Variants in KCNJ6 observed in about 807,000 individuals in gnomAD.
KCNJ6 encodes G protein-activated inward rectifier potassium channel 2.
Under a neutral mutation model 34.2 loss-of-function variants are expected in KCNJ6, and 9 were observed. The ratio of observed to expected loss-of-function variants is 0.26; its 90% CI spans 0.16 to 0.46. The LOEUF (loss-of-function observed/expected upper bound fraction) is 0.46, where lower values mean the gene tolerates loss of function less well. KCNJ6 is among the 20% of genes least tolerant of loss of function. The pLI is 1.00. For synonymous variants in KCNJ6, 196 were observed against 207.1 expected, an observed-to-expected ratio of 0.95 and a Z score of 0.46; for missense variants, 236 against 531.3, an observed-to-expected ratio of 0.44 and a Z score of 5.46.
At chr21:37,888,520 AAAG>A (rs1281162084) in intron 1 of KCNJ6, among the ~76,000 whole-genome samples, 2 of 152,204 alleles carry the variant, frequency 1.3e-5, no homozygotes, top group African/African-American at 4.8e-5. Flanking sequence ...AAAGATTTGG[AAAG>A]AAGATATGAT....
intron 2 of KCNJ6, among the ~76,000 whole-genome samples, chr21:37,830,925 T>G: frequency 6.6e-6 from 1 of 152,178 alleles, no homozygotes; most frequent in Non-Finnish European, 1.5e-5. Context: ...CATTCTTATT[T>G]GGAAATGGCC....
intron 2 of KCNJ6, among the ~76,000 whole-genome samples, chr21:37,765,157 A>G (rs183781290): frequency 1.1e-4 from 16 of 152,244 alleles, no homozygotes; most frequent in Non-Finnish European, 7.3e-5. Flanking sequence ...TACTGTGTCA[A>G]TGTTCTTGGG....
At chr21:37,649,203 T>G (rs981803336) in intron 3 of KCNJ6, among the ~76,000 whole-genome samples, 2 of 148,300 alleles carry the variant, frequency 1.3e-5, no homozygotes, top group African/African-American at 5.0e-5. Context: ...TTGCTTTCCC[T>G]CCTCCTCACT....
At chr21:37,752,375 T>C (rs1193942100) in intron 2 of KCNJ6, among the ~76,000 whole-genome samples, 1 of 152,184 alleles carries the variant, frequency 6.6e-6, no homozygotes, top group Non-Finnish European at 1.5e-5. Context: ...CATGAAGCTC[T>C]GCCCAGTAGA....
chr21:37,702,510 G>A (rs561822086), intron 3 of KCNJ6, among the ~76,000 whole-genome samples: 56 of 152,248 alleles, frequency 3.7e-4, no homozygotes, highest in Admixed American at 1.6e-3. Context: ...ATGAAGAGCC[G>A]AACAGCCTCT....
In KCNJ6 at chr21:37,782,543, G is replaced by A. The variant is rs183012798; in HGVS notation, c.25+58115C>T. Among the ~76,000 whole-genome samples, 541 of 152,232 alleles carry A rather than the reference G, an allele frequency of 3.6e-3. 3 individuals carry two copies. The highest frequency in any genetic ancestry group is 0.012 in the African/African-American group (506 of 41,552). The stretch of plus-strand genomic sequence containing the variant: ...CCTTTCTCCTGGGGCTGGTTCCCCC[G>A]TGTGGCTTTCCTCCTTCATGGCCAC... On this transcript the variant is annotated intron_variant, in intron 2 of 3. Coordinates refer to ENST00000609713, the MANE Select transcript of KCNJ6 (RefSeq NM_002240.5).
chr21:37,690,196 A>G (rs1294342096), intron 3 of KCNJ6, among the ~76,000 whole-genome samples: 1 of 152,168 alleles, frequency 6.6e-6, no homozygotes, highest in African/African-American at 2.4e-5. Context: ...ATCATTATGA[A>G]CTACTCAATG....
At chr21:37,640,133 T>C (rs545896433) in intron 3 of KCNJ6, among the ~76,000 whole-genome samples, 8 of 152,366 alleles carry the variant, frequency 5.3e-5, no homozygotes, top group African/African-American at 1.9e-4. Flanking sequence ...TCTTTTCCCA[T>C]GGAAACAATG....
At chr21:37,717,477 T>C (rs189005947) in intron 2 of KCNJ6, among the ~76,000 whole-genome samples, 1 of 151,398 alleles carries the variant, frequency 6.6e-6, no homozygotes, top group South Asian at 2.1e-4. Context: ...TGGAGGTGGG[T>C]TGGGATGTGT....
In KCNJ6 at chr21:37,715,031, T is replaced by A. The variant is rs1441910023; in HGVS notation, c.126A>T (p.Arg42Ser). ...TTTTGGTCCGATCTCGGCTGATGTG[T>A]CTTGGCAGGTCATCCCTGGCCTGCT... ...LPKQARDDLP[R>S]HISRDRTKRK... Residue 42 changes from arginine to serine, a missense_variant, in exon 3 of 4, where the codon AGA becomes AGT. Arg to Ser is a moderately radical substitution (Grantham distance 110). Around this residue, in one of 5 missense-constraint regions of KCNJ6, gnomAD observed 64 missense variants for 68.9 expected, o/e 0.93. Coordinates refer to ENST00000609713, the MANE Select transcript of KCNJ6 (RefSeq NM_002240.5). The A allele has an allele frequency of 6.2e-7, 1 of 1,614,202 alleles. No homozygotes were observed. The highest frequency in any genetic ancestry group is 1.1e-5 in the South Asian group (1 of 91,084).
At chr21:37,655,270 AGAGAGAGAGAGAGAGTGT>A (rs1569439040) in intron 3 of KCNJ6, among the ~76,000 whole-genome samples, 2 of 87,952 alleles carry the variant, frequency 2.3e-5, no homozygotes, top group Admixed American at 1.1e-4. Flanking sequence ...AGAGAGAGAG[AGAGAGAGAGAGAGAGTGT>A]AACCATGAAG....
At chr21:37,826,016 G>A (rs2055397451) in intron 2 of KCNJ6, among the ~76,000 whole-genome samples, 1 of 152,054 alleles carries the variant, frequency 6.6e-6, no homozygotes, top group Admixed American at 6.6e-5. Flanking sequence ...AGCCATATCA[G>A]CCACCTATCC....
chr21:37,818,211 C>CGCGTGTGTGTGT (rs1555847094), intron 2 of KCNJ6, among the ~76,000 whole-genome samples: 3 of 148,216 alleles, frequency 2.0e-5, no homozygotes, highest in South Asian at 2.1e-4. Context: ...TGTGTGCGTG[C>CGCGTGTGTGTGT]GTGTGTGTGT....
chr21:37,906,915 G>T (rs147336484), intron 1 of KCNJ6, among the ~76,000 whole-genome samples: 1 of 152,308 alleles, frequency 6.6e-6, no homozygotes, highest in Non-Finnish European at 1.5e-5. Context: ...TATGTTTAGG[G>T]TATTGACTGG....
chr21:37,851,522 G>T (rs561503928), intron 1 of KCNJ6, among the ~76,000 whole-genome samples: 1 of 152,156 alleles, frequency 6.6e-6, no homozygotes, highest in Non-Finnish European at 1.5e-5. Context: ...GCTTCTTGTC[G>T]TGTGTTTTCA....
chr21:37,848,568 T>C (rs2055521838), intron 1 of KCNJ6, among the ~76,000 whole-genome samples: 1 of 152,190 alleles, frequency 6.6e-6, no homozygotes, highest in Admixed American at 6.5e-5. Context: ...CTGCCACCAT[T>C]GTGGTCTTGT....
intron 1 of KCNJ6, among the ~76,000 whole-genome samples, chr21:37,872,761 G>A (rs1276648091): frequency 6.6e-6 from 1 of 152,148 alleles, no homozygotes; most frequent in East Asian, 1.9e-4. Context: ...ATCTTGAATT[G>A]TAATCCCCAT....
chr21:37,898,097 C>G (rs758100308), intron 1 of KCNJ6, among the ~76,000 whole-genome samples: 12 of 152,094 alleles, frequency 7.9e-5, no homozygotes, highest in African/African-American at 2.9e-4. Flanking sequence ...ATGAAGTATC[C>G]GTGTGGGAAG....
chr21:37,635,413 T>C (rs1349351862), intron 3 of KCNJ6, among the ~76,000 whole-genome samples: 1 of 152,128 alleles, frequency 6.6e-6, no homozygotes. Context: ...AGATGGGGTT[T>C]TGCCATGTTG....
Sources: allele counts gnomAD v4.1 joint callset (sites outside exome capture counted in the v4.1 genomes callset), GRCh38; gene constraint gnomAD v4.1.1; regional missense constraint gnomAD v4.1.1; transcripts MANE v1.5; gene names NCBI Gene and HGNC (gene_info 2026-07-23, HGNC 2026-07-21).